INTS1: variants seen among roughly 807,000 people sequenced by gnomAD.
INTS1 encodes integrator complex subunit 1.
Under a neutral mutation model 241.6 loss-of-function variants are expected in INTS1, and 137 were observed. The observed-to-expected ratio is 0.57, with a 90% CI of 0.49 to 0.65. The LOEUF (loss-of-function observed/expected upper bound fraction) is 0.65, where lower values mean the gene tolerates loss of function less well. INTS1 is among the 30% of genes least tolerant of loss of function. The probability of loss-of-function intolerance (pLI) is 0.00; values close to 1 mark genes in which losing one functional copy is unlikely to be tolerated. For synonymous variants in INTS1, 1,692 were observed against 1,337.8 expected (o/e 1.26, Z -5.78); for missense variants, 3,073 against 3,032.2 (o/e 1.01, Z -0.32).
intron 44 of INTS1, 86 bp downstream of exon 44, chr7:1,472,187 G>A: frequency 1.9e-6 from 2 of 1,034,478 alleles, no homozygotes; most frequent in Non-Finnish European, 2.9e-6. Context: ...GCCAAAGTCA[G>A]TGCCCAAATG....
chr7:1,478,496 C>A lies in INTS1; in HGVS notation c.4500G>T (p.Gly1500=), dbSNP rs943446647. Residue 1500 remains glycine (G), a synonymous_variant, in exon 33 of 48, where the codon GGG becomes GGT. Transcript: ENST00000404767. The part of the protein sequence containing the change: ...AGRRLSDVRG[G]LLRLAEALAF... Reference sequence around the variant, plus strand: ...CCAGGGCCTCGGCCAGGCGCAGGAGCCCCCCTCGCACTGTGGGAGGTCTGT... The same window carrying A: ...CCAGGGCCTCGGCCAGGCGCAGGAGACCCCCTCGCACTGTGGGAGGTCTGT... 1 of 1,610,632 alleles carries A rather than the reference C, an allele frequency of 6.2e-7. No homozygotes were observed. The highest frequency in any genetic ancestry group is 8.5e-7 in the Non-Finnish European group (1 of 1,179,444).
chr7:1,486,011 G>C (rs886447636), intron 22 of INTS1, among the ~76,000 whole-genome samples: 1 of 152,074 alleles, frequency 6.6e-6, no homozygotes, highest in South Asian at 2.1e-4. Flanking sequence ...ATGTTGCCCA[G>C]GCTGGTCTCA....
intron 22 of INTS1, 107 bp downstream of exon 22, chr7:1,486,518 G>C: frequency 1.9e-5 from 25 of 1,284,866 alleles, no homozygotes; most frequent in Non-Finnish European, 2.3e-5. Flanking sequence ...GCCTGCCTTG[G>C]CCTCCCAAAG....
At position 1,478,740 on chromosome 7, in the gene INTS1, C is replaced by A; in HGVS notation, c.4475G>T (p.Arg1492Leu). The A allele has an allele frequency of 6.3e-7, 1 of 1,582,678 alleles. No individual in the cohort carries two copies. The highest frequency in any genetic ancestry group is 8.6e-7 in the Non-Finnish European group (1 of 1,165,052). ...RMLASQASAG[R>L]RLSDVRGGLL... ...GCGGTCCTCACCATCACTGAGCCTG[C>A]GCCCGGCTGAGGCCTGGCTGGCAAG... The change falls in exon 32 of 48, where the codon CGC (arginine) becomes CTC (leucine). Residue 1492 changes from arginine (R) to leucine (L), a missense_variant. Transcript: ENST00000404767.
In INTS1 at chr7:1,483,751, G is replaced by C; in HGVS notation, c.3532C>G (p.Pro1178Ala). ...GCCTGTGGCGGCTCACCTCGAGGCGGGCCCAGCGTCAGCAGGATCACCATG... is the reference window on the plus strand; with the variant it reads ...GCCTGTGGCGGCTCACCTCGAGGCGCGCCCAGCGTCAGCAGGATCACCATG... ...HAMVILLTLG[P>A]PRADDSEFQA... Residue 1178 changes from proline (P) to alanine (A), a missense_variant, in exon 26 of 48, where the codon CCG becomes GCG. By Grantham distance (27) the Pro-to-Ala change is conservative. Coordinates refer to ENST00000404767, the MANE Select transcript of INTS1 (RefSeq NM_001080453.3). The C allele has an allele frequency of 6.2e-7, 1 of 1,610,448 alleles. No individual in the cohort carries two copies. Among genetic ancestry groups the C allele is most frequent in the Non-Finnish European group, 8.5e-7 (1 of 1,179,456 alleles).
chr7:1,482,506 T>C, intron 27 of INTS1, 40 bp downstream of exon 27: 3 of 1,559,988 alleles, frequency 1.9e-6, no homozygotes, highest in South Asian at 1.2e-5. Flanking sequence ...CCGGGACCCC[T>C]GAGTCAGCAG....
intron 14 of INTS1, 103 bp from the exon 15 acceptor site, chr7:1,494,014 G>A: frequency 1.5e-6 from 2 of 1,379,006 alleles, no homozygotes; most frequent in Non-Finnish European, 1.9e-6. Flanking sequence ...ACGGGCTGGT[G>A]GCAGAGGGCT....
chr7:1,470,502 C>T lies in INTS1; in HGVS notation c.*75G>A. ...CTCGGACAGACCAGCAACGCCCACG[C>T]TTCCTGGGCTTTGCCTCGAGGATCC... On this transcript the variant is annotated 3_prime_UTR_variant, in exon 48 of 48. Transcript: ENST00000404767. 5 of 1,190,956 alleles carry T rather than the reference C, an allele frequency of 4.2e-6. No individual in the cohort carries two copies. The highest frequency in any genetic ancestry group is 1.5e-5 in the African/African-American group (1 of 65,502). The allele number at this position is 1,190,956 out of a possible 1,614,324, so 73.8% of individuals were successfully genotyped here. A position where few individuals can be genotyped will look rare whatever the true frequency, so the allele number is the denominator to read the frequency against.
chr7:1,491,777 A>G (rs1202023120), intron 16 of INTS1, among the ~76,000 whole-genome samples: 1 of 152,212 alleles, frequency 6.6e-6, no homozygotes, highest in African/African-American at 2.4e-5. Context: ...ACGTGCCTAT[A>G]GTCCCAGCTA....
Position 1,479,648 on chromosome 7 carries a change from A to C in INTS1, c.4111T>G (p.Ser1371Ala). Residue 1371 changes from serine to alanine, a missense_variant, in exon 31 of 48, where the codon TCC (serine) becomes GCC (alanine). Physicochemically the swap from Ser to Ala is moderately conservative, Grantham distance 99. Transcript: ENST00000404767. ...GCGAGGGCCACGGGGCGGGGACTGG[A>C]GCTCTGCCACCGAGGGTCCGGGCTG... ...PLSPDPRWQS[S>A]SPRPVALALQ... 1 of 1,499,658 alleles carries C rather than the reference A, an allele frequency of 6.7e-7. No individual in the cohort carries two copies. Among genetic ancestry groups the C allele is most frequent in the South Asian group, 1.3e-5 (1 of 78,304 alleles). The allele number at this position is 1,499,658 out of a possible 1,614,324, so 92.9% of individuals were successfully genotyped here.
At position 1,493,139 on chromosome 7, in the gene INTS1, C is replaced by T. The variant is rs199759932; in HGVS notation, c.2069-33G>A. ...CAAGAGCCACACATGGGTTCTGGGG[C>T]TGCTCACAGACCATCAGGCACAGGC... On this transcript the variant is annotated intron_variant, in intron 15 of 47. Coordinates refer to ENST00000404767, the MANE Select transcript of INTS1 (RefSeq NM_001080453.3). The surrounding 1 kb of genome is among the most constrained non-coding windows in gnomAD (Gnocchi z 5.3). 81 of 1,567,706 alleles carry T rather than the reference C, an allele frequency of 5.2e-5. No individual in the cohort carries two copies. In the East Asian group the frequency reaches 1.7e-3, roughly 34 times the overall value.
Position 1,477,929 on chromosome 7 carries a change from C to T in INTS1, c.4638G>A (p.Gln1546=). ...GGGGGGACCTCACCTCGATCAGCCC[C>T]TGGAGGACTGCGCAAGGGACAAAGA... ...VEPDLISKVL[Q]GLIEVRSPHL... Residue 1546 remains glutamine (Q), a synonymous_variant, in exon 34 of 48, where the codon CAG becomes CAA. Transcript: ENST00000404767. 6.2e-7 allele frequency: 1 copy of T among 1,612,534 alleles called. No homozygotes were observed. Among genetic ancestry groups the T allele is most frequent in the Non-Finnish European group, 8.5e-7 (1 of 1,179,790 alleles).
intron 9 of INTS1, 45 bp downstream of exon 9, chr7:1,498,662 C>T (rs746475864): frequency 2.0e-6 from 3 of 1,537,712 alleles, no homozygotes; most frequent in South Asian, 1.2e-5. Flanking sequence ...CCACCCACAC[C>T]CCCACTCCAC....
chr7:1,489,104 G>T (rs10272026), intron 18 of INTS1, among the ~76,000 whole-genome samples: 1 of 152,176 alleles, frequency 6.6e-6, no homozygotes, highest in East Asian at 1.9e-4. Flanking sequence ...GGGTGCCTGC[G>T]GACCTCCCTG....
chr7:1,473,624 T>C lies in INTS1; in HGVS notation c.5899A>G (p.Ile1967Val), dbSNP rs750907722. 30 of 1,612,974 alleles carry C rather than the reference T, an allele frequency of 1.9e-5. No individual in the cohort carries two copies. The highest frequency in any genetic ancestry group is 9.3e-5 in the African/African-American group (7 of 74,920). Reference protein sequence around the residue: ...NKFVQFIHKYITYNAPAAISF... With the variant: ...NKFVQFIHKYVTYNAPAAISF... ...ATGGCTGCTGGGGCATTGTAGGTAA[T>C]GTACTTATGGATGAACTGCACAAAC... The change falls in exon 42 of 48, where the codon ATT (isoleucine) becomes GTT (valine). Residue 1967 changes from isoleucine to valine, a missense_variant. Physicochemically the swap from Ile to Val is conservative, Grantham distance 29 (BLOSUM62 3). Transcript: ENST00000404767.
chr7:1,480,496 G>T (rs539405266), intron 29 of INTS1, 55 bp from the exon 30 acceptor site: 897 of 1,579,712 alleles, frequency 5.7e-4, no homozygotes, highest in Non-Finnish European at 7.0e-4. Flanking sequence ...TGCTTCCAGC[G>T]GTGGGAACTG....
Position 1,476,734 on chromosome 7 carries a change from G to C in INTS1, c.5063+60C>G, listed in dbSNP as rs1319403611. ...AGATACCAGTCAGAGCCGGCGCTGG[G>C]AGATTTCTGGTGAAGGCCAGTATGC... On this transcript the variant is annotated intron_variant, in intron 36 of 47. Coordinates refer to ENST00000404767, the MANE Select transcript of INTS1 (RefSeq NM_001080453.3). 4 of 1,612,068 alleles carry C rather than the reference G, an allele frequency of 2.5e-6. No homozygotes were observed. In the South Asian group the frequency reaches 3.3e-5, roughly 13 times the overall value.
rs1037972102 is a variant in INTS1 at position 1,498,516 on chromosome 7, T to A, written c.1321A>T (p.Thr441Ser). The change falls in exon 10 of 48, where the codon ACC becomes TCC. Residue 441 changes from threonine to serine, a missense_variant. Thr to Ser is a moderately conservative substitution (Grantham distance 58). Coordinates refer to ENST00000404767, the MANE Select transcript of INTS1 (RefSeq NM_001080453.3). Reference protein sequence around the residue: ...LSAHKDNLGTTIKLVIFNELS... With the variant: ...LSAHKDNLGTSIKLVIFNELS... ...TCATTGAAGATCACCAACTTGATGG[T>A]GGTGCCCAGGTTGTCCTTGTGCGCG... The A allele has an allele frequency of 1.4e-5, 22 of 1,613,748 alleles. No homozygotes were observed. Among genetic ancestry groups the A allele is most frequent in the Non-Finnish European group, 1.9e-5 (22 of 1,179,872 alleles).
In INTS1 at chr7:1,495,676, C is replaced by T. The variant is rs1782813244; in HGVS notation, c.1712-123G>A. The T allele has an allele frequency of 2.4e-6, 3 of 1,264,194 alleles. No individual in the cohort carries two copies. The Admixed American group carries it at 7.1e-5, about 30-fold the overall frequency. The allele number at this position is 1,264,194 out of a possible 1,614,324, so 78.3% of individuals were successfully genotyped here. On this transcript the variant is annotated intron_variant, in intron 12 of 47. Transcript: ENST00000404767. ...GGGTAACTCAGGGCACCCCCAGCTT[C>T]TGGACGATTCCCAGCTGGAATAACA...
Sources: allele counts gnomAD v4.1 joint callset (sites outside exome capture counted in the v4.1 genomes callset), GRCh38; gene constraint gnomAD v4.1.1; non-coding constraint Gnocchi (gnomAD v3.1); transcripts MANE v1.5; gene names NCBI Gene and HGNC (gene_info 2026-07-23, HGNC 2026-07-21).